The following CLMN variants were observed in gnomAD, a reference collection of about 807,000 sequenced individuals.
CLMN encodes the protein calmin.
In CLMN, 57 loss-of-function variants were observed where a neutral mutation model predicts 92.7. That is an observed-to-expected ratio of 0.61 (90% confidence interval 0.50 to 0.77). The LOEUF is 0.77. CLMN is among the 30% of genes least tolerant of loss of function. CLMN has a pLI of 0.00. For missense variants in CLMN, 1,158 were observed against 1,237.5 expected, an observed-to-expected ratio of 0.94 and a Z score of 0.96; for synonymous variants, 466 against 470.6, an observed-to-expected ratio of 0.99 and a Z score of 0.13.
intron 1 of CLMN, among the ~76,000 whole-genome samples, chr14:95,286,899 C>T (rs531213550): frequency 4.6e-5 from 7 of 152,310 alleles, no homozygotes; most frequent in African/African-American, 1.2e-4. Flanking sequence ...AGAAAGTTTG[C>T]ATGCAACTTT....
Position 95,183,899 on chromosome 14 carries a change from T to C in CLMN, c.*7665A>G, listed in dbSNP as rs972398510. On this transcript the variant is annotated 3_prime_UTR_variant, in exon 13 of 13. Coordinates refer to ENST00000298912, the MANE Select transcript of CLMN (RefSeq NM_024734.4). ...AAATAAACACCTCCCACGATTGTTCTAAGGGTCAAGTGAGTTAATGAGTAA... is the reference window on the plus strand; with the variant it reads ...AAATAAACACCTCCCACGATTGTTCCAAGGGTCAAGTGAGTTAATGAGTAA... 1.3e-5 allele frequency: 2 copies of C among 152,222 alleles called. No homozygotes were observed. Among genetic ancestry groups the C allele is most frequent in the African/African-American group, 2.4e-5 (1 of 41,448 alleles). The allele number at this position is 152,222 out of a possible 1,614,324, so 9.4% of individuals were successfully genotyped here. A position where few individuals can be genotyped will look rare whatever the true frequency, so the allele number is the denominator to read the frequency against.
At chr14:95,286,617 T>A (rs1198840757) in intron 1 of CLMN, among the ~76,000 whole-genome samples, 1 of 152,190 alleles carries the variant, frequency 6.6e-6, no homozygotes, top group Non-Finnish European at 1.5e-5. Flanking sequence ...ATGGTTAATT[T>A]TATGTTGTGT....
chr14:95,191,525 G>C lies in CLMN; in HGVS notation c.*39C>G. The C allele has an allele frequency of 6.4e-7, 1 of 1,563,440 alleles. No homozygotes were observed. Among genetic ancestry groups the C allele is most frequent in the Non-Finnish European group, 8.7e-7 (1 of 1,153,252 alleles). On this transcript the variant is annotated 3_prime_UTR_variant, in exon 13 of 13. Coordinates refer to ENST00000298912, the MANE Select transcript of CLMN (RefSeq NM_024734.4). The surrounding 1 kb of genome is among the most constrained non-coding windows in gnomAD (Gnocchi z 5.3). ...AATAAAATGAAGTAACCCCGCCCCT[G>C]GTCAGGGTCCTGTCTTTTTTATTAT...
intron 1 of CLMN, among the ~76,000 whole-genome samples, chr14:95,312,027 T>C (rs1901562575): frequency 6.6e-6 from 1 of 152,110 alleles, no homozygotes. Context: ...CCCTGGTCTG[T>C]ACACTCTCAG....
chr14:95,214,054 C>CA (rs1897265126), intron 5 of CLMN, among the ~76,000 whole-genome samples: 1 of 152,102 alleles, frequency 6.6e-6, no homozygotes, highest in Admixed American at 6.5e-5. Flanking sequence ...TGCACTCCCC[C>CA]ATCTGAGCTA....
At chr14:95,260,314 C>T (rs1186098016) in intron 1 of CLMN, among the ~76,000 whole-genome samples, 2 of 151,942 alleles carry the variant, frequency 1.3e-5, no homozygotes, top group Non-Finnish European at 2.9e-5. Flanking sequence ...AGGTGGCGGG[C>T]GCCTGTAGTC....
At chr14:95,257,932 G>A (rs1899068013) in intron 1 of CLMN, among the ~76,000 whole-genome samples, 1 of 152,214 alleles carries the variant, frequency 6.6e-6, no homozygotes, top group African/African-American at 2.4e-5. Context: ...AGAGAGAACT[G>A]GACAGACTGT....
chr14:95,210,898 C>T lies in CLMN; in HGVS notation c.609-19G>A, dbSNP rs115072247. On this transcript the variant is annotated intron_variant, in intron 6 of 12. Coordinates refer to ENST00000298912, the MANE Select transcript of CLMN (RefSeq NM_024734.4). ...GCCATACCTGAAGGAAAAACAGCAG[C>T]GGCGGCCAGGATGCTGGTTAGTAAA... The T allele has an allele frequency of 0.031, 46,896 of 1,492,402 alleles. 1,120 individuals carry two copies. The highest frequency in any genetic ancestry group is 0.1 in the Middle Eastern group (553 of 5,342). The allele number at this position is 1,492,402 out of a possible 1,614,324, so 92.4% of individuals were successfully genotyped here.
At chr14:95,270,050 A>C (rs897689025) in intron 1 of CLMN, among the ~76,000 whole-genome samples, 1 of 152,206 alleles carries the variant, frequency 6.6e-6, no homozygotes, top group Non-Finnish European at 1.5e-5. Context: ...GAACCTAAGA[A>C]GGTAAAATGG....
In CLMN at chr14:95,194,683, A is replaced by G; in HGVS notation, c.2709-87T>C. ...CGGTCACCCCCATCCTGGGGTTTCC[A>G]CGTATGGGTTTAGGCAAGCGACAAC... On this transcript the variant is annotated intron_variant, in intron 10 of 12. Coordinates refer to ENST00000298912, the MANE Select transcript of CLMN (RefSeq NM_024734.4). The surrounding 1 kb of genome is among the most constrained non-coding windows in gnomAD (Gnocchi z 4.0). The G allele has an allele frequency of 7.9e-7, 1 of 1,273,686 alleles. No individual in the cohort carries two copies. Among genetic ancestry groups the G allele is most frequent in the Non-Finnish European group, 1.1e-6 (1 of 870,992 alleles). The allele number at this position is 1,273,686 out of a possible 1,614,324, so 78.9% of individuals were successfully genotyped here.
intron 1 of CLMN, among the ~76,000 whole-genome samples, chr14:95,290,858 G>A (rs1900536219): frequency 6.6e-6 from 1 of 152,124 alleles, no homozygotes; most frequent in South Asian, 2.1e-4. Context: ...TATGCAGTAG[G>A]TGCTCAATGA....
At chr14:95,245,695 GAT>G (rs1566891806) in intron 1 of CLMN, among the ~76,000 whole-genome samples, 11 of 138,496 alleles carry the variant, frequency 7.9e-5, no homozygotes, top group African/African-American at 1.4e-4. Context: ...TGGGTGGGTG[GAT>G]GGATGGATGG....
chr14:95,304,150 C>T (rs1016981781), intron 1 of CLMN, among the ~76,000 whole-genome samples: 6 of 151,892 alleles, frequency 4.0e-5, no homozygotes, highest in Non-Finnish European at 7.4e-5. Context: ...CCAACCTGGG[C>T]AACATAGTGA....
intron 8 of CLMN, among the ~76,000 whole-genome samples, chr14:95,205,064 G>T (rs1216570411): frequency 6.6e-6 from 1 of 152,202 alleles, no homozygotes; most frequent in Non-Finnish European, 1.5e-5. Flanking sequence ...TGCAGTGCTT[G>T]ACTCCCAATG....
Position 95,204,178 on chromosome 14 carries a change from C to T in CLMN, c.1171G>A (p.Gly391Ser). Reference protein sequence around the residue: ...HQIIDQVLQGGPGKTSDISEP... With the variant: ...HQIIDQVLQGSPGKTSDISEP... ...CTGATGTCGCTGGTCTTACCTGGGCCCCCTTGCAGGACCTGGTCAATAATC... is the reference window on the plus strand; with the variant it reads ...CTGATGTCGCTGGTCTTACCTGGGCTCCCTTGCAGGACCTGGTCAATAATC... Residue 391 changes from glycine (G) to serine (S), a missense_variant, in exon 9 of 13, where the codon GGC becomes AGC. Coordinates refer to ENST00000298912, the MANE Select transcript of CLMN (RefSeq NM_024734.4). 1 of 1,614,072 alleles carries T rather than the reference C, an allele frequency of 6.2e-7. No individual in the cohort carries two copies.
chr14:95,234,419 C>T (rs1897986106), intron 1 of CLMN, among the ~76,000 whole-genome samples: 1 of 152,220 alleles, frequency 6.6e-6, no homozygotes, highest in Non-Finnish European at 1.5e-5. Flanking sequence ...CCTGCCAAGA[C>T]TCCATAAACT....
intron 1 of CLMN, among the ~76,000 whole-genome samples, chr14:95,245,242 ATATATATATATAATATATATATATATAT>A (rs1898482225): frequency 2.8e-5 from 1 of 35,642 alleles, no homozygotes; most frequent in Non-Finnish European, 4.4e-5. Context: ...TATATATTAT[ATATATATATATAATATATATATATATAT>A]TATATATATA....
intron 8 of CLMN, among the ~76,000 whole-genome samples, chr14:95,208,462 G>A (rs750188401): frequency 1.2e-4 from 19 of 152,126 alleles, no homozygotes; most frequent in Non-Finnish European, 2.5e-4. Flanking sequence ...AAATAAAAAG[G>A]CAAACTTTTC....
chr14:95,227,201 G>A (rs1408595332), intron 2 of CLMN, among the ~76,000 whole-genome samples: 3 of 152,176 alleles, frequency 2.0e-5, no homozygotes, highest in Non-Finnish European at 2.9e-5. Flanking sequence ...CGTGGCAGCC[G>A]TGGAGGGCCT....
Sources: gnomAD v4.1 joint callset for allele counts (sites outside exome capture counted in the v4.1 genomes callset) on GRCh38, gnomAD v4.1.1 for gene constraint, Gnocchi (gnomAD v3.1) non-coding constraint, MANE v1.5 for transcripts, NCBI Gene and HGNC (gene_info 2026-07-23, HGNC 2026-07-21) for gene names.